EFCAB8: variants seen among roughly 807,000 people sequenced by gnomAD.
EFCAB8 encodes the protein EF-hand calcium binding domain 8, also known as EF-hand calcium-binding domain-containing protein 8.
A neutral mutation model predicts 116.3 loss-of-function variants in EFCAB8; 100 were observed. The observed-to-expected ratio is 0.86, with a 90% CI of 0.73 to 1.02. The LOEUF (loss-of-function observed/expected upper bound fraction) is 1.02, where lower values mean the gene tolerates loss of function less well. Among genes scored for constraint, EFCAB8 ranks in the 50% least tolerant of loss-of-function variants. EFCAB8 has a pLI of 0.00. For synonymous variants in EFCAB8, 558 were observed against 567.9 expected (o/e 0.98, Z 0.25); for missense variants, 1,320 against 1,416.9 (o/e 0.93, Z 1.10).
At position 32,908,314 on chromosome 20, in the gene EFCAB8, C is replaced by T. The variant is rs1986772267; in HGVS notation, c.1348C>T (p.Gln450Ter). The change falls in exon 14 of 27, where the codon CAG becomes TAG. Residue 450 changes from glutamine to a stop codon, truncating the protein, a stop_gained. Coordinates refer to ENST00000400522, the MANE Select transcript of EFCAB8 (RefSeq NM_001143967.2). LOFTEE classifies it high-confidence loss of function. ...GGACATGCTGGACTACATATGCCTC[C>T]AGTCCTTCTGTGGGAAGTTTTTTGC... ...VWDMLDYICL[Q>*]SFCGKFFALG... 14 of 1,249,952 alleles carry T rather than the reference C, an allele frequency of 1.1e-5. No homozygotes were observed. The highest frequency in any genetic ancestry group is 1.3e-5 in the Non-Finnish European group (13 of 988,262). The allele number at this position is 1,249,952 out of a possible 1,614,324, so 77.4% of individuals were successfully genotyped here.
chr20:32,866,387 C>A (rs571319682), intron 2 of EFCAB8, among the ~76,000 whole-genome samples: 8 of 152,244 alleles, frequency 5.3e-5, no homozygotes, highest in Admixed American at 5.2e-4. Flanking sequence ...ATCTAATTAT[C>A]CACGTTAGAG....
At chr20:32,880,510 A>C (rs546379701) in intron 5 of EFCAB8, among the ~76,000 whole-genome samples, 26 of 152,186 alleles carry the variant, frequency 1.7e-4, no homozygotes, top group Middle Eastern at 3.4e-3. Context: ...GCCTCAAGTA[A>C]TCCGCTCACC....
At chr20:32,931,761 AAAGAAAAAGAGTT>A (rs139528448) in intron 22 of EFCAB8, among the ~76,000 whole-genome samples, 27,652 of 152,178 alleles carry the variant, frequency 0.18, 3,145 homozygotes, top group Admixed American at 0.26. Flanking sequence ...TCGTTTCAAA[AAAGAAAAAGAGTT>A]AGTATTCGTA....
chr20:32,869,044 A>T (rs1284569030), intron 3 of EFCAB8, among the ~76,000 whole-genome samples: 1 of 151,796 alleles, frequency 6.6e-6, no homozygotes, highest in East Asian at 1.9e-4. Context: ...CTGGGGAAGA[A>T]CCCACTTCCA....
At position 32,891,138 on chromosome 20, in the gene EFCAB8, C is replaced by A. The variant is rs1985888234; in HGVS notation, c.674-1075C>A. ...TTATTTTTTATTTTTTTGAGACAGT[C>A]TCACTCTGTCACCCAGGCTGGAGTG... On this transcript the variant is annotated intron_variant, in intron 7 of 26. Coordinates refer to ENST00000400522, the MANE Select transcript of EFCAB8 (RefSeq NM_001143967.2). 2.0e-5 allele frequency among the ~76,000 whole-genome samples: 3 copies of A among 152,146 alleles called. No individual in the cohort carries two copies. In the South Asian group the frequency reaches 6.2e-4, roughly 32 times the overall value.
At chr20:32,882,938 GC>G (rs1985416224) in intron 5 of EFCAB8, among the ~76,000 whole-genome samples, 1 of 151,624 alleles carries the variant, frequency 6.6e-6, no homozygotes, top group Admixed American at 6.6e-5. Flanking sequence ...CTCATGATCT[GC>G]CCGCCTCGGC....
intron 23 of EFCAB8, among the ~76,000 whole-genome samples, chr20:32,948,577 AAAG>A (rs1988695674): frequency 1.4e-5 from 2 of 145,264 alleles, no homozygotes; most frequent in Non-Finnish European, 3.0e-5. Context: ...AGAAAGAAAG[AAAG>A]AAAAGAAAGG....
chr20:32,881,412 G>C (rs1252997131), intron 5 of EFCAB8, among the ~76,000 whole-genome samples: 1 of 152,104 alleles, frequency 6.6e-6, no homozygotes, highest in Non-Finnish European at 1.5e-5. Context: ...GACCAGGCTG[G>C]TCTCGAACTC....
intron 6 of EFCAB8, among the ~76,000 whole-genome samples, chr20:32,886,382 G>A (rs1479115516): frequency 6.6e-6 from 1 of 152,146 alleles, no homozygotes; most frequent in Non-Finnish European, 1.5e-5. Context: ...TTGGTCGCCA[G>A]GGCCGTCCAG....
chr20:32,892,345 T>G, intron 8 of EFCAB8, 48 bp downstream of exon 8: 1 of 1,527,866 alleles, frequency 6.5e-7, no homozygotes, highest in Non-Finnish European at 8.9e-7. Flanking sequence ...GGCCCAGGCC[T>G]CCTGCAGCAG....
At chr20:32,876,142 T>C (rs1984959891) in intron 4 of EFCAB8, 98 bp downstream of exon 4, 5 of 1,054,114 alleles carry the variant, frequency 4.7e-6, no homozygotes, top group African/African-American at 4.7e-5. Flanking sequence ...GCCATCACGA[T>C]GTGGGAAAGC....
chr20:32,909,417 G>A (rs1986817209), intron 14 of EFCAB8, among the ~76,000 whole-genome samples: 1 of 152,212 alleles, frequency 6.6e-6, no homozygotes, highest in Non-Finnish European at 1.5e-5. Context: ...GATAATTTCG[G>A]TAGAAAGTGC....
intron 5 of EFCAB8, among the ~76,000 whole-genome samples, chr20:32,879,624 C>G (rs1385829748): frequency 6.6e-6 from 1 of 152,018 alleles, no homozygotes; most frequent in Non-Finnish European, 1.5e-5. Flanking sequence ...ATGCTAGGTT[C>G]AATGGAGGGT....
At chr20:32,881,194 C>CTTTTCTTT (rs888609688) in intron 5 of EFCAB8, among the ~76,000 whole-genome samples, 6 of 152,212 alleles carry the variant, frequency 3.9e-5, no homozygotes, top group African/African-American at 1.2e-4. Context: ...TGTCATCTCT[C>CTTTTCTTT]TTTTCTTTTT....
chr20:32,870,899 C>T (rs1017698093), intron 3 of EFCAB8, among the ~76,000 whole-genome samples: 1 of 151,798 alleles, frequency 6.6e-6, no homozygotes, highest in Non-Finnish European at 1.5e-5. Context: ...CACTCTGTCA[C>T]CCAGGCTAGA....
intron 23 of EFCAB8, among the ~76,000 whole-genome samples, chr20:32,947,224 G>A (rs912290059): frequency 1.3e-5 from 2 of 152,058 alleles, no homozygotes; most frequent in African/African-American, 4.8e-5. Flanking sequence ...TCAACATTTG[G>A]TGTTTGATCT....
chr20:32,932,060 C>T (rs973679023), intron 22 of EFCAB8, among the ~76,000 whole-genome samples: 3 of 152,126 alleles, frequency 2.0e-5, no homozygotes, highest in Admixed American at 2.0e-4. Flanking sequence ...CCTGATCATG[C>T]AGTTGTATTC....
At chr20:32,902,113 C>G (rs2146228177) in intron 11 of EFCAB8, among the ~76,000 whole-genome samples, 1 of 152,326 alleles carries the variant, frequency 6.6e-6, no homozygotes, top group South Asian at 2.1e-4. Flanking sequence ...TAATATTTCT[C>G]TAAGTACCTC....
rs189404330 is a variant in EFCAB8, at chr20:32,862,040, T to C, written c.-10-1743T>C. 4.2e-3 allele frequency among the ~76,000 whole-genome samples: 639 copies of C among 152,308 alleles called. 2 individuals carry two copies. Among genetic ancestry groups the C allele is most frequent in the Middle Eastern group, 0.014 (4 of 294 alleles). ...GTAGCGTCCCATTCTCCTAGCTGTCTTGTGTGTTTCTCCCTCTTTCTGTCC... is the reference window on the plus strand; with the variant it reads ...GTAGCGTCCCATTCTCCTAGCTGTCCTGTGTGTTTCTCCCTCTTTCTGTCC... On this transcript the variant is annotated intron_variant, in intron 1 of 26. Coordinates refer to ENST00000400522, the MANE Select transcript of EFCAB8 (RefSeq NM_001143967.2).
Sources: gnomAD v4.1 joint callset for allele counts (sites outside exome capture counted in the v4.1 genomes callset) on GRCh38, gnomAD v4.1.1 for gene constraint, MANE v1.5 for transcripts, NCBI Gene and HGNC (gene_info 2026-07-23, HGNC 2026-07-21) for gene names.